The following ZNF683 variants were observed in gnomAD, a reference collection of about 807,000 sequenced individuals.
ZNF683 encodes tissue-resident T-cell transcription regulator protein ZNF683.
Under a neutral mutation model 31.4 loss-of-function variants are expected in ZNF683, and 20 were observed. That is an observed-to-expected ratio of 0.64 (90% CI 0.45 to 0.93). The LOEUF (loss-of-function observed/expected upper bound fraction) is 0.93. Ranked by LOEUF, ZNF683 falls within the 40% of genes least tolerant of loss-of-function variation. The pLI is 0.00. For synonymous variants in ZNF683, 264 were observed against 267.6 expected (o/e 0.99, Z 0.13); for missense variants, 621 against 637.2 (o/e 0.97, Z 0.27).
intron 1 of ZNF683, among the ~76,000 whole-genome samples, chr1:26,370,949 G>A (rs568219145): frequency 1.1e-4 from 17 of 152,186 alleles, no homozygotes; most frequent in Non-Finnish European, 1.6e-4. Context: ...TTCAGGATGT[G>A]TGTGTGAGGG....
At chr1:26,370,444 A>C (rs2074642254) in intron 1 of ZNF683, among the ~76,000 whole-genome samples, 1 of 152,160 alleles carries the variant, frequency 6.6e-6, no homozygotes, top group Non-Finnish European at 1.5e-5. Flanking sequence ...GCCACACAGC[A>C]CAGGGAACAC....
rs2124149521 is a variant in ZNF683, at chr1:26,365,204, C to G, written c.342G>C (p.Gln114His). The change falls in exon 4 of 6, where the codon CAG becomes CAC. Residue 114 changes from glutamine (Q) to histidine (H), a missense_variant. Physicochemically the swap from Gln to His is conservative, Grantham distance 24. Coordinates refer to ENST00000349618, the MANE Select transcript of ZNF683 (RefSeq NM_001114759.3). ...ATTTCTTGTCATCGGTGGAGCTGGCCTGCAGCCCTGGTGGCTCGTGCTCTA... is the reference window on the plus strand; with the variant it reads ...ATTTCTTGTCATCGGTGGAGCTGGCGTGCAGCCCTGGTGGCTCGTGCTCTA... ...LSMKHEPPGLQASSTDDKKFT... is the reference protein window; with the variant it reads ...LSMKHEPPGLHASSTDDKKFT... The G allele has an allele frequency of 1.2e-6, 2 of 1,604,356 alleles. No homozygotes were observed. Among genetic ancestry groups the G allele is most frequent in the Middle Eastern group, 3.3e-4 (2 of 6,052 alleles).
chr1:26,363,995 G>T (rs2124130704), intron 4 of ZNF683, among the ~76,000 whole-genome samples: 1 of 152,318 alleles, frequency 6.6e-6, no homozygotes, highest in Non-Finnish European at 1.5e-5. Context: ...TGCGCTCCCT[G>T]GGCGCCCCCT....
chr1:26,366,943 A>G (rs1477256705), intron 3 of ZNF683, among the ~76,000 whole-genome samples: 1 of 152,170 alleles, frequency 6.6e-6, no homozygotes, highest in Non-Finnish European at 1.5e-5. Flanking sequence ...GGCATGAGCC[A>G]CCGTGCCCGG....
chr1:26,364,563 C>T lies in ZNF683; in HGVS notation c.983G>A (p.Gly328Asp), dbSNP rs1389175360. The change falls in exon 4 of 6, where the codon GGC becomes GAC. Residue 328 changes from glycine (G) to aspartate (D), a missense_variant. Gly to Asp is a moderately conservative substitution (Grantham distance 94, BLOSUM62 -1). Coordinates refer to ENST00000349618, the MANE Select transcript of ZNF683 (RefSeq NM_001114759.3). ...GKILYECNICGKSFGQLSNLK... is the reference protein window; with the variant it reads ...GKILYECNICDKSFGQLSNLK... ...ATTGGAGAGCTGCCCAAAGCTCTTG[C>T]CACATATGTTGCACTCGTACAGGAT... is the stretch of plus-strand genomic sequence containing the variant. 1 of 1,613,966 alleles carries T rather than the reference C, an allele frequency of 6.2e-7. No individual in the cohort carries two copies. Among genetic ancestry groups the T allele is most frequent in the Non-Finnish European group, 8.5e-7 (1 of 1,179,890 alleles).
In ZNF683 at chr1:26,364,945, G is replaced by A; in HGVS notation, c.601C>T (p.Pro201Ser). Residue 201 changes from proline to serine, a missense_variant, in exon 4 of 6, where the codon CCT (proline) becomes TCT (serine). By Grantham distance (74) the Pro-to-Ser change is moderately conservative. Coordinates refer to ENST00000349618, the MANE Select transcript of ZNF683 (RefSeq NM_001114759.3). ...CCATAGGTGAACAGGTGGGGTGGAG[G>A]CAGGAGAAGTGGGTATCCAGGGTAG... Reference protein sequence around the residue: ...AFYPGYPLLLPPPHLFTYGAL... With the variant: ...AFYPGYPLLLSPPHLFTYGAL... 6.4e-7 allele frequency: 1 copy of A among 1,557,790 alleles called. No individual in the cohort carries two copies. Among genetic ancestry groups the A allele is most frequent in the Non-Finnish European group, 8.7e-7 (1 of 1,155,414 alleles).
rs142231514 is a variant in ZNF683, at chr1:26,365,192, G to A, written c.354C>T (p.Thr118=). 9.5e-4 allele frequency: 1,535 copies of A among 1,607,772 alleles called. 5 individuals carry two copies. Among genetic ancestry groups the A allele is most frequent in the Middle Eastern group, 2.5e-3 (15 of 6,054 alleles). The part of the protein sequence containing the change: ...HEPPGLQASS[T]DDKKFTVKYP... Reference sequence around the variant, plus strand: ...ACTTGACTGTGAATTTCTTGTCATCGGTGGAGCTGGCCTGCAGCCCTGGTG... The same window carrying A: ...ACTTGACTGTGAATTTCTTGTCATCAGTGGAGCTGGCCTGCAGCCCTGGTG... The change falls in exon 4 of 6, where the codon ACC becomes ACT. Residue 118 remains threonine, a synonymous_variant. Coordinates refer to ENST00000349618, the MANE Select transcript of ZNF683 (RefSeq NM_001114759.3).
At position 26,368,531 on chromosome 1, in the gene ZNF683, C is replaced by G. The variant is rs749751529; in HGVS notation, c.41G>C (p.Arg14Thr). Residue 14 changes from arginine (R) to threonine (T), a missense_variant, in exon 2 of 6, where the codon AGG becomes ACG. By Grantham distance (71) the Arg-to-Thr change is moderately conservative (BLOSUM62 -1). Coordinates refer to ENST00000349618, the MANE Select transcript of ZNF683 (RefSeq NM_001114759.3). ...ESAAQLGCCH[R>T]PMALGGTGGS... Reference sequence around the variant, plus strand: ...CCCTGTACCTCCCAGGGCCATGGGCCTATGACAACAACCTAATTGTGCAGC... The same window carrying G: ...CCCTGTACCTCCCAGGGCCATGGGCGTATGACAACAACCTAATTGTGCAGC... 1.2e-6 allele frequency: 2 copies of G among 1,606,990 alleles called. No individual in the cohort carries two copies. The highest frequency in any genetic ancestry group is 1.7e-6 in the Non-Finnish European group (2 of 1,176,694).
intron 1 of ZNF683, among the ~76,000 whole-genome samples, chr1:26,371,288 C>T (rs2074663155): frequency 6.6e-6 from 1 of 152,106 alleles, no homozygotes; most frequent in African/African-American, 2.4e-5. Flanking sequence ...ATCTAGAGGC[C>T]CCAAGAGGCA....
Position 26,364,682 on chromosome 1 carries a change from A to G in ZNF683, c.864T>C (p.Arg288=). 2 of 1,613,922 alleles carry G rather than the reference A, an allele frequency of 1.2e-6. No homozygotes were observed. Among genetic ancestry groups the G allele is most frequent in the Non-Finnish European group, 1.7e-6 (2 of 1,179,872 alleles). ...AAPTDSPGLE[R]GGMASPAKRV... ...GCTTTGCTGGAGATGCCATGCCACC[A>G]CGCTCCAGGCCTGGGGAGTCGGTTG... Residue 288 remains arginine (R), a synonymous_variant, in exon 4 of 6, where the codon CGT becomes CGC. Transcript: ENST00000349618.
At chr1:26,363,863 A>G (rs1434230879) in intron 4 of ZNF683, among the ~76,000 whole-genome samples, 1 of 152,212 alleles carries the variant, frequency 6.6e-6, no homozygotes, top group African/African-American at 2.4e-5. Context: ...GAGGCTCATG[A>G]AAGTTTAAGA....
chr1:26,372,550 G>A, intron 1 of ZNF683, 119 bp downstream of exon 1: 1 of 1,304,952 alleles, frequency 7.7e-7, no homozygotes, highest in South Asian at 1.2e-5. Context: ...GCTTCCATCT[G>A]CCAGCTCTGC....
chr1:26,372,510 C>T, intron 1 of ZNF683, 159 bp downstream of exon 1: 1 of 1,304,874 alleles, frequency 7.7e-7, no homozygotes, highest in Non-Finnish European at 1.0e-6. Flanking sequence ...CAGATGTCCC[C>T]ACCCAGAAGG....
intron 5 of ZNF683, among the ~76,000 whole-genome samples, chr1:26,362,712 A>T (rs1314714319): frequency 6.6e-6 from 1 of 152,144 alleles, no homozygotes; most frequent in Non-Finnish European, 1.5e-5. Flanking sequence ...TCAAGCTAAT[A>T]GTTTTCCTAC....
In ZNF683 at chr1:26,364,683, C is replaced by T. The variant is rs11247933; in HGVS notation, c.863G>A (p.Arg288His). Reference sequence around the variant, plus strand: ...CTTTGCTGGAGATGCCATGCCACCACGCTCCAGGCCTGGGGAGTCGGTTGG... The same window carrying T: ...CTTTGCTGGAGATGCCATGCCACCATGCTCCAGGCCTGGGGAGTCGGTTGG... ...AAPTDSPGLE[R>H]GGMASPAKRV... The change falls in exon 4 of 6, where the codon CGT becomes CAT. Residue 288 changes from arginine to histidine, a missense_variant. Arg to His is a conservative substitution (Grantham distance 29, BLOSUM62 0). Coordinates refer to ENST00000349618, the MANE Select transcript of ZNF683 (RefSeq NM_001114759.3). The T allele has an allele frequency of 1.8e-5, 29 of 1,613,692 alleles. No individual in the cohort carries two copies. Among genetic ancestry groups the T allele is most frequent in the South Asian group, 2.2e-5 (2 of 91,084 alleles).
chr1:26,370,704 G>A (rs2074650334), intron 1 of ZNF683: 2 of 985,526 alleles, frequency 2.0e-6, no homozygotes, highest in Non-Finnish European at 2.4e-6. Context: ...TGGCTGGGAA[G>A]GAAGGAGGTG....
intron 1 of ZNF683, chr1:26,372,329 A>G: frequency 2.2e-6 from 1 of 447,178 alleles, no homozygotes; most frequent in Non-Finnish European, 3.9e-6. Flanking sequence ...TTGGTTTTCC[A>G]TGTAGACATC....
chr1:26,372,356 A>G (rs2074688846), intron 1 of ZNF683: 2 of 659,244 alleles, frequency 3.0e-6, no homozygotes, highest in Non-Finnish European at 4.5e-6. Context: ...GTTTTTTTGG[A>G]CGCCCAGCCT....
intron 3 of ZNF683, among the ~76,000 whole-genome samples, chr1:26,366,750 G>A (rs1570257510): frequency 6.6e-6 from 1 of 152,244 alleles, no homozygotes; most frequent in East Asian, 1.9e-4. Flanking sequence ...CCGCCTCCCA[G>A]GTTCATGCCA....
Sources: gnomAD v4.1 joint callset for allele counts (sites outside exome capture counted in the v4.1 genomes callset) on GRCh38, gnomAD v4.1.1 for gene constraint, MANE v1.5 for transcripts, NCBI Gene and HGNC (gene_info 2026-07-23, HGNC 2026-07-21) for gene names.